Variants in PVT1 observed in about 807,000 individuals in gnomAD.
PVT1 encodes Pvt1 oncogene, also known as CXCR4/PVT1 fusion.
chr8:128,042,757 T>G (rs1813561211), intron 4 of PVT1, among the ~76,000 whole-genome samples: 1 of 150,002 alleles, frequency 6.7e-6, no homozygotes, highest in South Asian at 2.1e-4. Flanking sequence ...TATTTTATTT[T>G]ATTTTATTTT....
intron 2 of PVT1, among the ~76,000 whole-genome samples, chr8:127,812,014 G>A (rs1814600099): frequency 6.6e-6 from 1 of 152,030 alleles, no homozygotes; most frequent in South Asian, 2.1e-4. Context: ...GGCCGAGGCG[G>A]GAGGATCACT....
At position 128,049,935 on chromosome 8, in the gene PVT1, C is replaced by T. The variant is rs142335718; in HGVS notation, n.913-20225C>T. Among the ~76,000 whole-genome samples, 49 of 152,166 alleles carry T rather than the reference C, an allele frequency of 3.2e-4. No homozygotes were observed. In the East Asian group the frequency reaches 9.3e-3, roughly 29 times the overall value. On this transcript the variant is annotated intron_variant and non_coding_transcript_variant, in intron 4 of 10. Coordinates refer to ENST00000651587, the Ensembl canonical transcript of PVT1. ...CTGAAGGAAAGGACACTGCTGTATC[C>T]CCTGAGGGACTGTCTGAGCCCAAAG...
At position 127,837,570 on chromosome 8, in the gene PVT1, A is replaced by G. The variant is rs531623070; in HGVS notation, n.372+41499A>G. Among the ~76,000 whole-genome samples the G allele has an allele frequency of 1.1e-4, 16 of 152,252 alleles. No individual in the cohort carries two copies. The South Asian group carries it at 3.3e-3, about 32-fold the overall frequency. ...TCCTATATAATTTCCTGAGTTTTCTATGTCAATTACTTTGTTTTATTAAAG... is the reference window on the plus strand; with the variant it reads ...TCCTATATAATTTCCTGAGTTTTCTGTGTCAATTACTTTGTTTTATTAAAG... On this transcript the variant is annotated intron_variant and non_coding_transcript_variant, in intron 2 of 10. Coordinates refer to ENST00000651587, the Ensembl canonical transcript of PVT1.
chr8:127,909,666 G>A (rs1586431745), intron 3 of PVT1, among the ~76,000 whole-genome samples: 1 of 152,166 alleles, frequency 6.6e-6, no homozygotes, highest in East Asian at 1.9e-4. Flanking sequence ...ACTGTCATGG[G>A]AGGTTAGTGC....
At chr8:127,880,660 G>T (rs1426970445) in intron 2 of PVT1, among the ~76,000 whole-genome samples, 3 of 149,068 alleles carry the variant, frequency 2.0e-5, no homozygotes, top group African/African-American at 7.5e-5. Flanking sequence ...GAGTGCAGTG[G>T]CATGATCACT....
At chr8:127,865,850 G>T (rs572141634) in intron 2 of PVT1, among the ~76,000 whole-genome samples, 1 of 152,218 alleles carries the variant, frequency 6.6e-6, no homozygotes, top group African/African-American at 2.4e-5. Flanking sequence ...GGAGCTGAGG[G>T]CAGTCCAAGG....
chr8:127,861,236 T>C (rs1815224727), intron 2 of PVT1, among the ~76,000 whole-genome samples: 1 of 152,184 alleles, frequency 6.6e-6, no homozygotes, highest in African/African-American at 2.4e-5. Flanking sequence ...GAGACAGAGT[T>C]TCAAGTGGCA....
intron 2 of PVT1, among the ~76,000 whole-genome samples, chr8:127,857,593 A>C (rs1007374353): frequency 2.0e-5 from 3 of 152,174 alleles, no homozygotes; most frequent in African/African-American, 7.2e-5. Flanking sequence ...AGATGGGAGA[A>C]TTGGTTGAGC....
At chr8:128,005,912 A>T (rs2392886) in intron 4 of PVT1, among the ~76,000 whole-genome samples, 100,565 of 151,718 alleles carry the variant, frequency 0.66, 33,946 homozygotes, top group African/African-American at 0.78. Flanking sequence ...GAGGCCAAGC[A>T]GCCAACAAGG....
intron 3 of PVT1, among the ~76,000 whole-genome samples, chr8:127,986,268 C>G (rs575512489): frequency 6.6e-6 from 1 of 152,188 alleles, no homozygotes; most frequent in Admixed American, 6.5e-5. Context: ...ACCTCTGCCC[C>G]GAACCTCCTG....
intron 2 of PVT1, chr8:127,855,051 T>C: frequency 2.5e-6 from 1 of 397,232 alleles, no homozygotes; most frequent in East Asian, 3.6e-5. Flanking sequence ...ACCCCAGACC[T>C]GTCTGACTCA....
intron 4 of PVT1, among the ~76,000 whole-genome samples, chr8:128,043,365 TG>T (rs1418753414): frequency 3.3e-5 from 5 of 152,138 alleles, no homozygotes; most frequent in Non-Finnish European, 7.4e-5. Flanking sequence ...TCTCACAGGC[TG>T]GGGGTCAGGA....
chr8:128,087,653 C>T (rs1162514261), intron 5 of PVT1, among the ~76,000 whole-genome samples: 1 of 151,520 alleles, frequency 6.6e-6, no homozygotes, highest in African/African-American at 2.4e-5. Flanking sequence ...CTCCTATTTA[C>T]TTTGAATGAT....
chr8:127,887,771 C>T (rs999533905), intron 2 of PVT1, among the ~76,000 whole-genome samples: 1 of 151,898 alleles, frequency 6.6e-6, no homozygotes, highest in African/African-American at 2.4e-5. Context: ...AGGCGATCCA[C>T]CCATCTCAGC....
intron 3 of PVT1, among the ~76,000 whole-genome samples, chr8:127,932,975 G>A (rs1428370239): frequency 2.0e-5 from 3 of 152,122 alleles, no homozygotes; most frequent in Non-Finnish European, 2.9e-5. Context: ...CTTTTCATGG[G>A]TTATCTTATT....
intron 3 of PVT1, among the ~76,000 whole-genome samples, chr8:127,934,583 A>T (rs1283200106): frequency 6.6e-6 from 1 of 152,188 alleles, no homozygotes; most frequent in African/African-American, 2.4e-5. Flanking sequence ...GAAAGAGTGA[A>T]TGGGTACATT....
chr8:127,815,969 C>T (rs1008569440), intron 2 of PVT1, among the ~76,000 whole-genome samples: 4 of 152,066 alleles, frequency 2.6e-5, no homozygotes, highest in African/African-American at 9.7e-5. Context: ...ACTAAAAATA[C>T]AAAAATTAGC....
At chr8:127,847,861 C>T (rs1487710122) in intron 2 of PVT1, among the ~76,000 whole-genome samples, 1 of 151,836 alleles carries the variant, frequency 6.6e-6, no homozygotes, top group Non-Finnish European at 1.5e-5. Flanking sequence ...GAGGGAGATG[C>T]AGGGAGGGGA....
chr8:127,900,542 G>C (rs1387286770), intron 3 of PVT1, among the ~76,000 whole-genome samples: 1 of 152,128 alleles, frequency 6.6e-6, no homozygotes. Context: ...TAAATTCTTA[G>C]GTAGGTGACA....
Sources: gnomAD v4.1 joint callset for allele counts (sites outside exome capture counted in the v4.1 genomes callset) on GRCh38, gnomAD v4.1.1 for gene constraint, MANE v1.5 for transcripts, NCBI Gene and HGNC (gene_info 2026-07-23, HGNC 2026-07-21) for gene names.